Variants in LAMA4 observed in about 807,000 individuals in gnomAD.
The protein encoded by LAMA4 is laminin subunit alpha 4.
LAMA4 carries 127 observed loss-of-function variants against 207.1 expected under a neutral mutation model. The observed-to-expected ratio is 0.61, with a 90% confidence interval of 0.53 to 0.71. The LOEUF is 0.71. Among genes scored for constraint, LAMA4 ranks in the 30% least tolerant of loss-of-function variants. The probability of loss-of-function intolerance (pLI) is 0.00; values close to 1 mark genes in which losing one functional copy is unlikely to be tolerated. For missense variants in LAMA4, 2,093 were observed against 2,246.5 expected (o/e 0.93, Z 1.38); for synonymous variants, 761 against 816.0 (o/e 0.93, Z 1.15).
chr6:112,172,525 T>TA (rs1781775042), intron 12 of LAMA4, 86 bp downstream of exon 12: 3 of 1,306,260 alleles, frequency 2.3e-6, no homozygotes, highest in Non-Finnish European at 3.3e-6. Context: ...ACCAATATTT[T>TA]AAAAAAATTT....
intron 2 of LAMA4, among the ~76,000 whole-genome samples, chr6:112,223,186 T>G (rs564877443): frequency 2.6e-5 from 4 of 152,308 alleles, no homozygotes; most frequent in Non-Finnish European, 5.9e-5. Flanking sequence ...GCCAGATTTT[T>G]TTTTTTACAT....
chr6:112,139,630 T>A lies in LAMA4; in HGVS notation c.3110+122A>T, dbSNP rs998198141. The A allele has an allele frequency of 6.9e-6, 8 of 1,152,736 alleles. No individual in the cohort carries two copies. The Admixed American group carries it at 1.4e-4, about 20-fold the overall frequency. The allele number at this position is 1,152,736 out of a possible 1,614,324, so 71.4% of individuals were successfully genotyped here. A position where few individuals can be genotyped will look rare whatever the true frequency, so the allele number is the denominator to read the frequency against. Reference sequence around the variant, plus strand: ...AAGAGTTTTTTGCAGGTATGACTTATGTAGTTTCAAAACTGGCTTCCCCAA... The same window carrying A: ...AAGAGTTTTTTGCAGGTATGACTTAAGTAGTTTCAAAACTGGCTTCCCCAA... On this transcript the variant is annotated intron_variant, in intron 23 of 38. Coordinates refer to ENST00000230538, the MANE Select transcript of LAMA4 (RefSeq NM_001105206.3).
chr6:112,134,120 T>C (rs1358630991), intron 26 of LAMA4, among the ~76,000 whole-genome samples: 3 of 152,226 alleles, frequency 2.0e-5, no homozygotes, highest in Non-Finnish European at 2.9e-5. Flanking sequence ...GAGTTCAAAA[T>C]GGGTTTAAGG....
intron 9 of LAMA4, chr6:112,178,483 A>G (rs1433975213): frequency 4.4e-6 from 2 of 456,214 alleles, no homozygotes; most frequent in Non-Finnish European, 8.0e-6. Flanking sequence ...TTACATGAGT[A>G]AGTTCTTTAG....
intron 16 of LAMA4, among the ~76,000 whole-genome samples, chr6:112,150,915 A>C (rs1488351368): frequency 6.6e-6 from 1 of 152,218 alleles, no homozygotes; most frequent in African/African-American, 2.4e-5. Flanking sequence ...ACCAAGCAGC[A>C]CAATTGTTAA....
Position 112,206,952 on chromosome 6 carries a change from C to T in LAMA4, c.422+69G>A, listed in dbSNP as rs1784090086. The T allele has an allele frequency of 1.1e-5, 17 of 1,583,478 alleles. No individual in the cohort carries two copies. The Admixed American group carries it at 2.9e-4, about 27-fold the overall frequency. On this transcript the variant is annotated intron_variant, in intron 4 of 38. Coordinates refer to ENST00000230538, the MANE Select transcript of LAMA4 (RefSeq NM_001105206.3). ...CTCAGAACTCTGGGATAAGGCAAAA[C>T]AAAACAAAACAAAACAAAACAATAC... is the stretch of plus-strand genomic sequence containing the variant.
At chr6:112,168,292 C>A (rs1781509028) in intron 12 of LAMA4, among the ~76,000 whole-genome samples, 1 of 150,134 alleles carries the variant, frequency 6.7e-6, no homozygotes, top group African/African-American at 2.4e-5. Context: ...GTGATACAAC[C>A]AATGGCTGCA....
intron 18 of LAMA4, among the ~76,000 whole-genome samples, chr6:112,147,533 G>C (rs1217949911): frequency 6.6e-6 from 1 of 152,148 alleles, no homozygotes; most frequent in Non-Finnish European, 1.5e-5. Flanking sequence ...TGAAGGGATT[G>C]GATAAAAATG....
chr6:112,135,494 GTC>G (rs569703620), intron 25 of LAMA4, among the ~76,000 whole-genome samples: 3 of 152,154 alleles, frequency 2.0e-5, no homozygotes, highest in Non-Finnish European at 4.4e-5. Flanking sequence ...GGGAAATACA[GTC>G]TCCTACCCTT....
chr6:112,199,126 C>G (rs753124797), intron 5 of LAMA4, among the ~76,000 whole-genome samples: 1 of 152,172 alleles, frequency 6.6e-6, no homozygotes, highest in Non-Finnish European at 1.5e-5. Context: ...AATGGCAGAG[C>G]TCATGAGCAT....
chr6:112,228,182 C>A (rs1785332148), intron 2 of LAMA4, among the ~76,000 whole-genome samples: 1 of 152,158 alleles, frequency 6.6e-6, no homozygotes, highest in African/African-American at 2.4e-5. Flanking sequence ...AAGCTCAGGC[C>A]AAAGGTTGCC....
chr6:112,254,158 C>T lies in LAMA4; in HGVS notation c.-8G>A, dbSNP rs370604204. On this transcript the variant is annotated 5_prime_UTR_variant, in exon 2 of 39. Coordinates refer to ENST00000230538, the MANE Select transcript of LAMA4 (RefSeq NM_001105206.3). ...GGCTGAGCTCAAAGCCATTTCTCCG[C>T]TGACATCCAGTAGTGCTCTTCCAGG... 4 of 1,612,704 alleles carry T rather than the reference C, an allele frequency of 2.5e-6. No homozygotes were observed. The highest frequency in any genetic ancestry group is 3.4e-6 in the Non-Finnish European group (4 of 1,179,964).
intron 12 of LAMA4, among the ~76,000 whole-genome samples, chr6:112,165,851 G>A (rs1321741391): frequency 4.6e-5 from 7 of 152,232 alleles, no homozygotes; most frequent in African/African-American, 1.7e-4. Context: ...AGAAGGGAAA[G>A]TAAATACTAA....
chr6:112,172,881 T>G (rs782057424), intron 11 of LAMA4, 77 bp from the exon 12 acceptor site: 84 of 1,234,260 alleles, frequency 6.8e-5, no homozygotes, highest in Non-Finnish European at 2.1e-5. Flanking sequence ...TTTGCAAAGT[T>G]GCAAAATTCT....
intron 16 of LAMA4, among the ~76,000 whole-genome samples, chr6:112,151,167 G>T (rs797024295): frequency 3.3e-5 from 5 of 152,232 alleles, no homozygotes; most frequent in African/African-American, 1.2e-4. Flanking sequence ...AAGCTCCCTA[G>T]AGCCCCTGTG....
At chr6:112,119,857 A>T (rs1016238064) in intron 33 of LAMA4, among the ~76,000 whole-genome samples, 10 of 152,170 alleles carry the variant, frequency 6.6e-5, no homozygotes, top group African/African-American at 2.4e-4. Flanking sequence ...TACTCTTGAC[A>T]TTACATACCC....
intron 13 of LAMA4, among the ~76,000 whole-genome samples, chr6:112,161,627 T>C (rs1781056937): frequency 6.6e-6 from 1 of 152,166 alleles, no homozygotes; most frequent in African/African-American, 2.4e-5. Context: ...GTGGGAGAGA[T>C]ACAGGTAATA....
intron 9 of LAMA4, among the ~76,000 whole-genome samples, chr6:112,181,202 C>G (rs782081878): frequency 3.3e-5 from 5 of 152,226 alleles, no homozygotes; most frequent in Admixed American, 2.0e-4. Flanking sequence ...ACCCACTGCT[C>G]TCTTCTCTAG....
chr6:112,213,831 C>T (rs977896170), intron 3 of LAMA4: 20 of 417,782 alleles, frequency 4.8e-5, no homozygotes, highest in African/African-American at 3.7e-4. Flanking sequence ...TATATGCCTT[C>T]AAGATAAAAG....
Sources: allele counts gnomAD v4.1 joint callset (sites outside exome capture counted in the v4.1 genomes callset), GRCh38; gene constraint gnomAD v4.1.1; transcripts MANE v1.5; gene names NCBI Gene and HGNC (gene_info 2026-07-23, HGNC 2026-07-21).